The following GRIP1 variants were observed in gnomAD, a reference collection of about 807,000 sequenced individuals.
The protein encoded by GRIP1 is glutamate receptor-interacting protein 1.
GRIP1 carries 45 observed loss-of-function variants against 129.9 expected under a neutral mutation model. The ratio of observed to expected loss-of-function variants is 0.35; its 90% CI spans 0.27 to 0.44. The LOEUF (loss-of-function observed/expected upper bound fraction) is 0.44, where lower values mean the gene tolerates loss of function less well. Ranked by LOEUF, GRIP1 falls within the 20% of genes least tolerant of loss-of-function variation. GRIP1 has a pLI of 1.00. For synonymous variants in GRIP1, 530 were observed against 520.8 expected (o/e 1.02, Z -0.24); for missense variants, 1,196 against 1,396.8 (o/e 0.86, Z 2.29).
chr12:66,760,215 C>T (rs1382890303), intron 1 of GRIP1, among the ~76,000 whole-genome samples: 1 of 152,136 alleles, frequency 6.6e-6, no homozygotes, highest in East Asian at 1.9e-4. Flanking sequence ...AACTTTCCCA[C>T]ATTTTCCTGT....
chr12:66,808,581 G>GCCACTGTTTTTCTGT (rs2039043326), upstream of GRIP1, among the ~76,000 whole-genome samples: 1 of 151,486 alleles, frequency 6.6e-6, no homozygotes. Context: ...AAAAGCATGA[G>GCCACTGTTTTTCTGT]CCACTGTTTT....
At chr12:66,725,094 C>G (rs117304987) in intron 1 of GRIP1, among the ~76,000 whole-genome samples, 4,193 of 152,198 alleles carry the variant, frequency 0.028, 76 homozygotes, top group Non-Finnish European at 0.038. Flanking sequence ...GAGTTCAAGA[C>G]TAGCCTGGGC....
chr12:67,022,057 TAG>T (rs2042875109), intron 1 of GRIP1, among the ~76,000 whole-genome samples: 1 of 152,160 alleles, frequency 6.6e-6, no homozygotes. Context: ...CATCTGTTGA[TAG>T]ATACTTAGGT....
intron 4 of GRIP1, among the ~76,000 whole-genome samples, chr12:66,533,628 A>C (rs1430636626): frequency 6.6e-6 from 1 of 152,010 alleles, no homozygotes; most frequent in Non-Finnish European, 1.5e-5. Context: ...CTGGGTGACA[A>C]GAGCGAAACT....
At chr12:66,667,721 CA>C (rs2033873669) in intron 1 of GRIP1, among the ~76,000 whole-genome samples, 1 of 152,112 alleles carries the variant, frequency 6.6e-6, no homozygotes, top group Admixed American at 6.5e-5. Flanking sequence ...GTCATCACTA[CA>C]GATCCATGAA....
intron 1 of GRIP1, among the ~76,000 whole-genome samples, chr12:66,801,703 T>C (rs1592859203): frequency 6.6e-6 from 1 of 152,114 alleles, no homozygotes; most frequent in East Asian, 1.9e-4. Context: ...ACAAAGTTCT[T>C]GTGGCAATCT....
intron 1 of GRIP1, among the ~76,000 whole-genome samples, chr12:66,866,317 T>C (rs949134493): frequency 6.6e-6 from 1 of 151,758 alleles, no homozygotes; most frequent in Non-Finnish European, 1.5e-5. Context: ...AAATAAAAAA[T>C]AAAAAGTTAG....
intron 1 of GRIP1, among the ~76,000 whole-genome samples, chr12:66,661,471 AAAGGT>A (rs1204096872): frequency 3.8e-5 from 3 of 78,124 alleles, no homozygotes; most frequent in African/African-American, 1.1e-4. Flanking sequence ...AAAAAAAAAA[AAAGGT>A]GGAGGGGAGA....
At chr12:66,617,087 G>T (rs1343575558) in intron 1 of GRIP1, among the ~76,000 whole-genome samples, 3 of 114,814 alleles carry the variant, frequency 2.6e-5, no homozygotes, top group African/African-American at 6.0e-5. Context: ...CAGACGTTTT[G>T]TGTGTGTGTG....
chr12:67,040,164 T>C (rs1250696446), intron 1 of GRIP1, among the ~76,000 whole-genome samples: 4 of 152,046 alleles, frequency 2.6e-5, no homozygotes, highest in African/African-American at 9.7e-5. Context: ...TTAGCTGAGT[T>C]CCAGAGTAGA....
At chr12:66,503,660 C>T (rs1243694040) in intron 7 of GRIP1, among the ~76,000 whole-genome samples, 1 of 152,142 alleles carries the variant, frequency 6.6e-6, no homozygotes, top group Non-Finnish European at 1.5e-5. Context: ...CCACTGGTAA[C>T]CTGAATACCT....
At chr12:66,409,254 G>A (rs1161245244) in intron 15 of GRIP1, among the ~76,000 whole-genome samples, 2 of 152,200 alleles carry the variant, frequency 1.3e-5, no homozygotes, top group Non-Finnish European at 2.9e-5. Context: ...GTCTGAACCA[G>A]CATAGTCTCA....
At chr12:66,556,939 C>T (rs545381045) in intron 2 of GRIP1, among the ~76,000 whole-genome samples, 146 of 151,392 alleles carry the variant, frequency 9.6e-4, no homozygotes, top group African/African-American at 3.5e-3. Flanking sequence ...AAAACAACCA[C>T]AAAACTAATA....
Position 66,455,448 on chromosome 12 carries a change from T to A in GRIP1, c.1315A>T (p.Met439Leu). Residue 439 changes from methionine to leucine, a missense_variant, in exon 11 of 25, where the codon ATG becomes TTG. Physicochemically the swap from Met to Leu is conservative, Grantham distance 15. This residue lies in a region of GRIP1 where 508 missense variants were observed against 587.0 expected (regional missense o/e 0.87). Coordinates refer to ENST00000359742, the MANE Select transcript of GRIP1 (RefSeq NM_001366722.1). Reference protein sequence around the residue: ...LYSTSPRGTMMRRRLKKKDFK... With the variant: ...LYSTSPRGTMLRRRLKKKDFK... The stretch of plus-strand genomic sequence containing the variant: ...TCTTTCTTTTTCAGTCTCCTCCTCA[T>A]CATGGTTCCACGTGGGCTGGTGGAG... 1 of 1,614,166 alleles carries A rather than the reference T, an allele frequency of 6.2e-7. No homozygotes were observed. Among genetic ancestry groups the A allele is most frequent in the Non-Finnish European group, 8.5e-7 (1 of 1,179,982 alleles).
rs148723716 is a variant in GRIP1, at chr12:66,958,708, T to C, written c.58+110342A>G. Among the ~76,000 whole-genome samples, 85 of 152,360 alleles carry C rather than the reference T, an allele frequency of 5.6e-4. No homozygotes were observed. In the East Asian group the frequency reaches 7.3e-3, roughly 13 times the overall value. Reference sequence around the variant, plus strand: ...GGATAAACTGTAATACCATCTATTATTGATGGATACTTATATTGCTTCTAT... The same window carrying C: ...GGATAAACTGTAATACCATCTATTACTGATGGATACTTATATTGCTTCTAT... On this transcript the variant is annotated intron_variant, in intron 1 of 1. Transcript: ENST00000643019.
At chr12:66,816,995 A>G (rs1480161352) in intron 1 of GRIP1, among the ~76,000 whole-genome samples, 1 of 152,166 alleles carries the variant, frequency 6.6e-6, no homozygotes, top group Non-Finnish European at 1.5e-5. Context: ...TATTCGCAAA[A>G]GACGATTCCT....
At chr12:66,947,723 G>A (rs143364005) in intron 1 of GRIP1, among the ~76,000 whole-genome samples, 237 of 152,310 alleles carry the variant, frequency 1.6e-3, no homozygotes, top group Non-Finnish European at 2.4e-3. Context: ...AATTTTAGCC[G>A]CTGTTCAGCA....
At chr12:66,420,886 GT>G in intron 14 of GRIP1, 97 bp from the exon 15 acceptor site, 1 of 758,888 alleles carries the variant, frequency 1.3e-6, no homozygotes, top group Non-Finnish European at 2.4e-6. Flanking sequence ...TGCAAGTAAT[GT>G]TTGTATGCAA....
intron 1 of GRIP1, among the ~76,000 whole-genome samples, chr12:66,920,994 T>G (rs906201127): frequency 1.3e-5 from 2 of 152,218 alleles, no homozygotes; most frequent in African/African-American, 4.8e-5. Flanking sequence ...ACCCAGCCTC[T>G]GAACATAACC....
Sources: allele counts gnomAD v4.1 joint callset (sites outside exome capture counted in the v4.1 genomes callset), GRCh38; gene constraint gnomAD v4.1.1; regional missense constraint gnomAD v4.1.1; transcripts MANE v1.5; gene names NCBI Gene and HGNC (gene_info 2026-07-23, HGNC 2026-07-21).